The following KLHL5 variants were observed in gnomAD, a reference collection of about 807,000 sequenced individuals.
The protein encoded by KLHL5 is kelch-like protein 5.
A neutral mutation model predicts 77.7 loss-of-function variants in KLHL5; 48 were observed. The ratio of observed to expected loss-of-function variants is 0.62; its 90% confidence interval spans 0.49 to 0.79. The LOEUF is 0.79. Among genes scored for constraint, KLHL5 ranks in the 30% least tolerant of loss-of-function variants. The pLI is 0.00. For missense variants in KLHL5, 723 were observed against 859.7 expected, an observed-to-expected ratio of 0.84 and a Z score of 1.99; for synonymous variants, 260 against 297.0, an observed-to-expected ratio of 0.88 and a Z score of 1.28.
At chr4:39,068,131 C>G (rs1335493208) in intron 1 of KLHL5, among the ~76,000 whole-genome samples, 1 of 152,164 alleles carries the variant, frequency 6.6e-6, no homozygotes, top group Non-Finnish European at 1.5e-5. Context: ...CTCCTCCCCT[C>G]CCAACAAGAG....
intron 10 of KLHL5, chr4:39,115,704 A>G: frequency 8.4e-7 from 1 of 1,193,252 alleles, no homozygotes; most frequent in Non-Finnish European, 1.0e-6. Context: ...ATGTGTGAGC[A>G]GTCGGATTTT....
rs143210294 is a variant in KLHL5 at position 39,084,964 on chromosome 4, T to G, written c.901-1551T>G. 3.6e-3 allele frequency among the ~76,000 whole-genome samples: 551 copies of G among 152,294 alleles called. 4 individuals carry two copies. Among genetic ancestry groups the G allele is most frequent in the African/African-American group, 0.013 (524 of 41,578 alleles). On this transcript the variant is annotated intron_variant, in intron 4 of 10. Transcript: ENST00000504108. ...TAGGCTATTTCCCATTTTTTACCAT[T>G]GTAAATAATAATACAGAGAAGTATT...
chr4:39,108,920 G>A (rs762244893), intron 8 of KLHL5, among the ~76,000 whole-genome samples: 1 of 152,058 alleles, frequency 6.6e-6, no homozygotes, highest in Non-Finnish European at 1.5e-5. Context: ...CGGACCTACC[G>A]TAGCTTAGAT....
intron 2 of KLHL5, 63 bp downstream of exon 2, chr4:39,076,210 T>A: frequency 7.2e-7 from 1 of 1,396,134 alleles, no homozygotes; most frequent in Non-Finnish European, 9.8e-7. Context: ...ATATGTATAT[T>A]GAGGTAACCT....
intron 6 of KLHL5, among the ~76,000 whole-genome samples, chr4:39,102,036 A>G (rs1721621910): frequency 6.6e-6 from 1 of 150,422 alleles, no homozygotes; most frequent in African/African-American, 2.4e-5. Flanking sequence ...CAAATAATTT[A>G]GAATTCTGTA....
intron 5 of KLHL5, chr4:39,093,164 C>T: frequency 2.2e-6 from 1 of 455,090 alleles, no homozygotes; most frequent in Admixed American, 2.4e-5. Context: ...TGGAATATTA[C>T]TCAACAGTAA....
At chr4:39,089,178 T>C (rs1250815565) in intron 5 of KLHL5, among the ~76,000 whole-genome samples, 1 of 152,114 alleles carries the variant, frequency 6.6e-6, no homozygotes, top group Non-Finnish European at 1.5e-5. Flanking sequence ...TGGATATAGA[T>C]AGAAATTACC....
At chr4:39,098,802 G>T (rs1470525254) in intron 6 of KLHL5, among the ~76,000 whole-genome samples, 2 of 151,864 alleles carry the variant, frequency 1.3e-5, no homozygotes, top group African/African-American at 4.8e-5. Context: ...CTGACCTCGT[G>T]ATCTGCCCTC....
intron 4 of KLHL5, among the ~76,000 whole-genome samples, chr4:39,085,134 C>T (rs576513164): frequency 3.0e-4 from 46 of 152,216 alleles, no homozygotes; most frequent in South Asian, 1.2e-3. Context: ...TCAATAGAAC[C>T]TTTTGCTTGA....
intron 7 of KLHL5, among the ~76,000 whole-genome samples, chr4:39,105,735 TATACACAC>T (rs1293446914): frequency 1.4e-5 from 1 of 72,914 alleles, no homozygotes. Context: ...TGTATATATG[TATACACAC>T]ACACACACAC....
intron 1 of KLHL5, 138 bp downstream of exon 1, chr4:39,063,173 C>A: frequency 1.7e-6 from 1 of 583,068 alleles, no homozygotes; most frequent in Non-Finnish European, 2.7e-6. Context: ...TTGGTATGAA[C>A]ATGTGATACT....
chr4:39,118,330 G>T (rs1446782244), intron 10 of KLHL5, among the ~76,000 whole-genome samples: 2 of 120,088 alleles, frequency 1.7e-5, no homozygotes, highest in African/African-American at 5.5e-5. Flanking sequence ...TAGAATTAGA[G>T]CCAAGGATTT....
At chr4:39,093,339 G>T (rs1720761734) in intron 5 of KLHL5, 1 of 452,088 alleles carries the variant, frequency 2.2e-6, no homozygotes, top group African/African-American at 2.0e-5. Context: ...TGGGAGAGAA[G>T]ATGGGAATGA....
At chr4:39,077,706 A>C (rs1429483693) in intron 2 of KLHL5, among the ~76,000 whole-genome samples, 1 of 150,958 alleles carries the variant, frequency 6.6e-6, no homozygotes, top group Non-Finnish European at 1.5e-5. Context: ...AAAAAAAAAA[A>C]AAACAAAAAA....
intron 1 of KLHL5, among the ~76,000 whole-genome samples, chr4:39,069,475 C>T (rs199730288): frequency 2.8e-3 from 205 of 73,694 alleles, no homozygotes; most frequent in South Asian, 8.2e-3. Flanking sequence ...TATATATATA[C>T]ACACACACAC....
chr4:39,121,120 T>A lies in KLHL5; in HGVS notation c.*54T>A. On this transcript the variant is annotated 3_prime_UTR_variant, in exon 11 of 11. Coordinates refer to ENST00000504108, the MANE Select transcript of KLHL5 (RefSeq NM_015990.5). ...ACCGTCTTCCTTTATTAATTTAGTA[T>A]AATTATTCTATCAATGGATACATTT... The A allele has an allele frequency of 7.7e-7, 1 of 1,292,488 alleles. No individual in the cohort carries two copies. Among genetic ancestry groups the A allele is most frequent in the Non-Finnish European group, 1.1e-6 (1 of 889,662 alleles). 80.1% of individuals were successfully genotyped at this position (1,292,488 alleles called of 1,614,324 possible).
chr4:39,107,812 C>A, intron 8 of KLHL5, 81 bp downstream of exon 8: 4 of 983,258 alleles, frequency 4.1e-6, no homozygotes, highest in Non-Finnish European at 5.8e-6. Flanking sequence ...TAAAGATATA[C>A]ATAAATACTT....
intron 7 of KLHL5, among the ~76,000 whole-genome samples, chr4:39,105,976 C>T (rs1265502326): frequency 6.6e-6 from 1 of 152,002 alleles, no homozygotes; most frequent in Non-Finnish European, 1.5e-5. Context: ...TCATGTCGCA[C>T]CTCTTCTCAA....
upstream of KLHL5, chr4:39,044,931 C>T (rs1716026842): frequency 4.1e-5 from 40 of 976,412 alleles, 1 homozygote; most frequent in South Asian, 1.7e-3. Context: ...TGGCTCGCTC[C>T]GGGCCGGCCG....
Sources: gnomAD v4.1 joint callset for allele counts (sites outside exome capture counted in the v4.1 genomes callset) on GRCh38, gnomAD v4.1.1 for gene constraint, MANE v1.5 for transcripts, NCBI Gene and HGNC (gene_info 2026-07-23, HGNC 2026-07-21) for gene names.